RASA3: variants seen among roughly 807,000 people sequenced by gnomAD.
RASA3 encodes RAS p21 protein activator 3.
Under a neutral mutation model 110.0 loss-of-function variants are expected in RASA3, and 73 were observed. The observed-to-expected ratio is 0.66, with a 90% CI of 0.55 to 0.81. The LOEUF is 0.81. Ranked by LOEUF, RASA3 falls within the 30% of genes least tolerant of loss-of-function variation. The pLI, the probability that RASA3 is intolerant of heterozygous loss-of-function variation, is 0.00. For missense variants in RASA3, 976 were observed against 1,113.2 expected (o/e 0.88, Z 1.75); for synonymous variants, 500 against 451.4 (o/e 1.11, Z -1.37).
chr13:114,132,576 G>C lies in RASA3; in HGVS notation c.-87C>G. ...CCGAGCAGGAGGAGCGGCGGCGCCG[G>C]AGCCCCGAGCGCGGCCGAGGGTCCG... On this transcript the variant is annotated 5_prime_UTR_variant, in exon 1 of 24. Coordinates refer to ENST00000334062, the MANE Select transcript of RASA3 (RefSeq NM_007368.4). The C allele has an allele frequency of 8.6e-7, 1 of 1,156,630 alleles. No individual in the cohort carries two copies. Among genetic ancestry groups the C allele is most frequent in the Non-Finnish European group, 1.1e-6 (1 of 926,732 alleles). 71.6% of individuals were successfully genotyped at this position (1,156,630 alleles called of 1,614,324 possible).
intron 2 of RASA3, among the ~76,000 whole-genome samples, chr13:114,052,507 G>T (rs1420382592): frequency 1.3e-5 from 2 of 152,188 alleles, no homozygotes; most frequent in Non-Finnish European, 2.9e-5. Flanking sequence ...AAGGTACCTG[G>T]TTTGGGGCAG....
chr13:113,978,135 G>C lies in RASA3; in HGVS notation c.*1212C>G, dbSNP rs931721739. The C allele has an allele frequency of 1.3e-5, 2 of 152,242 alleles. No individual in the cohort carries two copies. Among genetic ancestry groups the C allele is most frequent in the African/African-American group, 4.8e-5 (2 of 41,456 alleles). 9.4% of individuals were successfully genotyped at this position (152,242 alleles called of 1,614,324 possible). On this transcript the variant is annotated 3_prime_UTR_variant, in exon 24 of 24. Coordinates refer to ENST00000334062, the MANE Select transcript of RASA3 (RefSeq NM_007368.4). ...CCCTTTGGGAAAGGCCTCCTCGGCA[G>C]TGTGAGGTCTGGAGGGGTCTGCCTG...
chr13:113,990,113 C>T (rs1354023362), intron 22 of RASA3, among the ~76,000 whole-genome samples: 1 of 152,144 alleles, frequency 6.6e-6, no homozygotes, highest in Non-Finnish European at 1.5e-5. Context: ...GGAGGTGCCT[C>T]CTTCCTTCCT....
rs562089054 is a variant in RASA3 at position 114,033,254 on chromosome 13, C to T, written c.373-3367G>A. 1.6e-3 allele frequency among the ~76,000 whole-genome samples: 173 copies of T among 106,140 alleles called. 1 individual carries two copies. The highest frequency in any genetic ancestry group is 6.0e-3 in the African/African-American group (162 of 27,106). The allele number at this position is 106,140 out of a possible 152,430, so 69.6% of individuals were successfully genotyped here. A position where few individuals can be genotyped will look rare whatever the true frequency, so the allele number is the denominator to read the frequency against. ...CACCACGTTCCACGGCACCCCCACA[C>T]TTGACACCACGTTCCATGGCACCCC... On this transcript the variant is annotated intron_variant, in intron 4 of 23. Transcript: ENST00000334062.
At chr13:114,009,244 C>T (rs999739972) in intron 17 of RASA3, 143 bp downstream of exon 17, 35 of 673,782 alleles carry the variant, frequency 5.2e-5, no homozygotes, top group South Asian at 1.2e-4. Flanking sequence ...GTCTGGACAG[C>T]GCTGTGAATG....
At chr13:114,049,623 T>A (rs1231695445) in intron 3 of RASA3, among the ~76,000 whole-genome samples, 1 of 152,268 alleles carries the variant, frequency 6.6e-6, no homozygotes, top group Non-Finnish European at 1.5e-5. Flanking sequence ...TAAACGGAGC[T>A]GGTGACGAGG....
intron 1 of RASA3, among the ~76,000 whole-genome samples, chr13:114,091,321 C>A (rs1435287341): frequency 2.6e-5 from 4 of 152,028 alleles, no homozygotes; most frequent in Middle Eastern, 3.4e-3. Context: ...GGTTTCTGAG[C>A]TTTCCCCATT....
At chr13:114,030,567 C>CACAGAGGGCAAGGCTCAT (rs2054143394) in intron 4 of RASA3, among the ~76,000 whole-genome samples, 2 of 151,062 alleles carry the variant, frequency 1.3e-5, no homozygotes, top group African/African-American at 5.0e-5. Flanking sequence ...GCAAGGCTCA[C>CACAGAGGGCAAGGCTCAT]GGGGGCTTCT....
At chr13:113,994,619 T>C (rs963192213) in intron 21 of RASA3, among the ~76,000 whole-genome samples, 5 of 152,002 alleles carry the variant, frequency 3.3e-5, no homozygotes, top group African/African-American at 1.2e-4. Flanking sequence ...CTGGGCAACA[T>C]GGAGAGACCC....
chr13:114,110,525 C>A (rs1240310062), intron 1 of RASA3, among the ~76,000 whole-genome samples: 1 of 152,194 alleles, frequency 6.6e-6, no homozygotes, highest in Non-Finnish European at 1.5e-5. Flanking sequence ...AGGTTCTGCG[C>A]ACTCGGCCGC....
rs77444230 is a variant in RASA3, at chr13:114,057,467, G to T, written c.174-5312C>A. 352 of 985,416 alleles carry T rather than the reference G, an allele frequency of 3.6e-4. No individual in the cohort carries two copies. In the African/African-American group the frequency reaches 5.9e-3, roughly 16 times the overall value. The allele number at this position is 985,416 out of a possible 1,614,324, so 61.0% of individuals were successfully genotyped here. On this transcript the variant is annotated intron_variant, in intron 2 of 23. Transcript: ENST00000334062. This position sits in a 1 kb window ranked among gnomAD's most constrained non-coding sequence, Gnocchi z 5.0. ...CTGCAGGATTTCAAGGAAAGCTGGA[G>T]CCAGTCTCTGTGCCAGAATAGAGGG...
intron 2 of RASA3, among the ~76,000 whole-genome samples, chr13:114,062,615 G>A (rs933007806): frequency 2.0e-5 from 3 of 150,792 alleles, no homozygotes; most frequent in South Asian, 4.2e-4. Flanking sequence ...ACTCAGACAC[G>A]CGTGCTCACA....
At chr13:114,050,393 A>G (rs554996692) in intron 3 of RASA3, among the ~76,000 whole-genome samples, 11 of 152,370 alleles carry the variant, frequency 7.2e-5, no homozygotes, top group Middle Eastern at 3.4e-3. Flanking sequence ...TCAAATGTCA[A>G]TTATCTGAGA....
chr13:114,066,419 G>A (rs1242555125), intron 2 of RASA3, among the ~76,000 whole-genome samples: 1 of 152,194 alleles, frequency 6.6e-6, no homozygotes, highest in East Asian at 1.9e-4. Context: ...GCGGCCGGGC[G>A]AGAGGAGGCC....
At chr13:114,054,257 A>G (rs1262152387) in intron 2 of RASA3, among the ~76,000 whole-genome samples, 1 of 152,288 alleles carries the variant, frequency 6.6e-6, no homozygotes, top group Non-Finnish European at 1.5e-5. Context: ...ATAAATGATG[A>G]CAAATAATTC....
chr13:114,005,485 A>G (rs897534209), intron 18 of RASA3, among the ~76,000 whole-genome samples: 31 of 147,750 alleles, frequency 2.1e-4, no homozygotes, highest in Non-Finnish European at 3.2e-4. Context: ...GGTCACCGAG[A>G]AGGTGGCAGA....
intron 16 of RASA3, among the ~76,000 whole-genome samples, chr13:114,010,781 G>C (rs937895665): frequency 6.8e-6 from 1 of 146,296 alleles, no homozygotes; most frequent in Non-Finnish European, 1.5e-5. Context: ...GGAGGGGGCC[G>C]CGTGGGGAGG....
In RASA3 at chr13:114,007,582, C is replaced by T. The variant is rs912555758; in HGVS notation, c.1693G>A (p.Gly565Arg). Residue 565 changes from glycine to arginine, a missense_variant, in exon 18 of 24, where the codon GGG becomes AGG. Physicochemically the swap from Gly to Arg is moderately radical, Grantham distance 125 (BLOSUM62 -2). Transcript: ENST00000334062. ...KNFLDLISSS[G>R]RRDPKSVEQP... Reference sequence around the variant, plus strand: ...TCAACACTCTTGGGGTCTCTTCTCCCCGAGGACGAAATCAGATCCAAGAAC... The same window carrying T: ...TCAACACTCTTGGGGTCTCTTCTCCTCGAGGACGAAATCAGATCCAAGAAC... 9.9e-6 allele frequency: 16 copies of T among 1,613,330 alleles called. No homozygotes were observed. Among genetic ancestry groups the T allele is most frequent in the Non-Finnish European group, 1.1e-5 (13 of 1,179,790 alleles).
At chr13:114,025,179 G>A (rs531085853) in intron 7 of RASA3, among the ~76,000 whole-genome samples, 7 of 152,342 alleles carry the variant, frequency 4.6e-5, no homozygotes, top group East Asian at 1.9e-4. Flanking sequence ...CTCTCAGCTC[G>A]AAGTTCTGAT....
Sources: gnomAD v4.1 joint callset for allele counts (sites outside exome capture counted in the v4.1 genomes callset) on GRCh38, gnomAD v4.1.1 for gene constraint, Gnocchi (gnomAD v3.1) non-coding constraint, MANE v1.5 for transcripts, NCBI Gene and HGNC (gene_info 2026-07-23, HGNC 2026-07-21) for gene names.